The following SLC29A1 variants were observed in gnomAD, a reference collection of about 807,000 sequenced individuals.
SLC29A1 encodes solute carrier family 29 member 1 (Augustine blood group).
In SLC29A1, 22 loss-of-function variants were observed where a neutral mutation model predicts 48.3. That is an observed-to-expected ratio of 0.46 (90% CI 0.33 to 0.65). SLC29A1 has a LOEUF of 0.65. SLC29A1 is among the 30% of genes least tolerant of loss of function. The pLI is 0.03. For synonymous variants in SLC29A1, 228 were observed against 231.0 expected (o/e 0.99, Z 0.12); for missense variants, 491 against 575.3 (o/e 0.85, Z 1.50).
upstream of SLC29A1, chr6:44,219,803 G>T: frequency 8.1e-7 from 1 of 1,233,570 alleles, no homozygotes; most frequent in Non-Finnish European, 1.1e-6. Context: ...CGGGGCCGGG[G>T]GGCCTGGCGG....
At chr6:44,230,720 C>A in intron 7 of SLC29A1, 55 bp downstream of exon 7, 1 of 1,548,866 alleles carries the variant, frequency 6.5e-7, no homozygotes. Context: ...GGTTCCAGAC[C>A]ACGGGTGTTC....
upstream of SLC29A1, among the ~76,000 whole-genome samples, chr6:44,220,344 A>ATTTT (rs3997542): frequency 1.6e-5 from 2 of 126,512 alleles, no homozygotes; most frequent in Non-Finnish European, 1.6e-5. Flanking sequence ...TGCTCAGCTA[A>ATTTT]TTTTTTTTTT....
intron 1 of SLC29A1, among the ~76,000 whole-genome samples, chr6:44,224,354 A>G (rs949486277): frequency 6.7e-6 from 1 of 150,082 alleles, no homozygotes; most frequent in Non-Finnish European, 1.5e-5. Context: ...TAAGCTCCCC[A>G]TGCCAGGATG....
At chr6:44,227,000 G>A (rs760462582) in intron 1 of SLC29A1, 2 of 1,229,406 alleles carry the variant, frequency 1.6e-6, no homozygotes, top group Non-Finnish European at 2.1e-6. Flanking sequence ...TTCGGCTGCT[G>A]GATAAAAATA....
At position 44,231,387 on chromosome 6, in the gene SLC29A1, G is replaced by A. The variant is rs1489486697; in HGVS notation, c.790G>A (p.Glu264Lys). 2 of 1,602,202 alleles carry A rather than the reference G, an allele frequency of 1.2e-6. No individual in the cohort carries two copies. The highest frequency in any genetic ancestry group is 1.3e-5 in the African/African-American group (1 of 74,858). ...AGGAGAGGAGCCAAGAGCAGGCAAA[G>A]AGGAATCTGGAGTTTCAGTCTCCAA... is the stretch of plus-strand genomic sequence containing the variant. ...SKGEEPRAGK[E>K]ESGVSVSNSQ... Residue 264 changes from glutamate (E) to lysine (K), a missense_variant, in exon 9 of 13, where the codon GAG becomes AAG. By Grantham distance (56) the Glu-to-Lys change is moderately conservative. Transcript: ENST00000371755.
Position 44,229,807 on chromosome 6 carries a change from C to T in SLC29A1, c.314+16C>T. ...TGCATCAGAGGTGAGTGCCCACCCC[C>T]TCCCCAGCCCCCAGCCTGACCCTCA... On this transcript the variant is annotated intron_variant, in intron 4 of 12. Transcript: ENST00000371755. This position sits in a 1 kb window ranked among gnomAD's most constrained non-coding sequence, Gnocchi z 5.1. 3 of 1,611,728 alleles carry T rather than the reference C, an allele frequency of 1.9e-6. No homozygotes were observed. The highest frequency in any genetic ancestry group is 1.7e-6 in the Non-Finnish European group (2 of 1,178,620).
intron 9 of SLC29A1, 83 bp downstream of exon 9, chr6:44,231,544 C>A (rs1778881652): frequency 2.3e-6 from 2 of 880,372 alleles, no homozygotes; most frequent in East Asian, 5.3e-5. Flanking sequence ...CACCCATCTC[C>A]TCCCTTTCTG....
chr6:44,232,446 GC>G lies in SLC29A1; in HGVS notation c.1059+22del, dbSNP rs1257502838. Reference sequence around the variant, plus strand: ...TCATGTGGGTAAGTGGAGGAAGAGGGCCCCAGGCCCCTGTGGGAAGTAAGAG... The same window carrying G: ...TCATGTGGGTAAGTGGAGGAAGAGGGCCCAGGCCCCTGTGGGAAGTAAGAG... On this transcript the variant is annotated intron_variant, in intron 11 of 12. Coordinates refer to ENST00000371755, the MANE Select transcript of SLC29A1 (RefSeq NM_001372327.1). The surrounding 1 kb of genome is among the most constrained non-coding windows in gnomAD (Gnocchi z 4.7). 6 of 1,552,568 alleles carry G rather than the reference GC, an allele frequency of 3.9e-6. No individual in the cohort carries two copies. Among genetic ancestry groups the G allele is most frequent in the Non-Finnish European group, 5.3e-6 (6 of 1,125,762 alleles).
chr6:44,222,117 G>C (rs1776501267), upstream of SLC29A1, among the ~76,000 whole-genome samples: 2 of 152,170 alleles, frequency 1.3e-5, no homozygotes, highest in South Asian at 2.1e-4. Flanking sequence ...GAGGAAGAGA[G>C]AGAGACTGGA....
rs942708590 is a variant in SLC29A1 at position 44,229,988 on chromosome 6, G to A, written c.396G>A (p.Val132=). The A allele has an allele frequency of 9.9e-6, 16 of 1,612,366 alleles. No homozygotes were observed. Among genetic ancestry groups the A allele is most frequent in the Non-Finnish European group, 1.4e-5 (16 of 1,180,002 alleles). Residue 132 remains valine, a synonymous_variant, in exon 5 of 13, where the codon GTG becomes GTA. Transcript: ENST00000371755. The surrounding 1 kb of genome is among the most constrained non-coding windows in gnomAD (Gnocchi z 5.1). ...VFLITAILVK[V]QLDALPFFVI... ...TGATCACTGCCATCCTGGTGAAGGT[G>A]CAGCTGGATGCTCTGCCCTTCTTTG... is the stretch of plus-strand genomic sequence containing the variant.
chr6:44,223,486 T>A (rs954727208), upstream of SLC29A1: 309 of 633,698 alleles, frequency 4.9e-4, 3 homozygotes, highest in African/African-American at 0.02. This position sits in a 1 kb window ranked among gnomAD's most constrained non-coding sequence, Gnocchi z 5.0. Context: ...GTGGCAGGGG[T>A]GGGCCGGGGG....
In SLC29A1 at chr6:44,229,298, A is replaced by G; in HGVS notation, c.30-92A>G. The G allele has an allele frequency of 1.0e-6, 1 of 969,410 alleles. No homozygotes were observed. The allele number at this position is 969,410 out of a possible 1,614,324, so 60.1% of individuals were successfully genotyped here. ...ACGCCCTGTGCCCTGGGACCTAGAG[A>G]GACTGACAACGGACAGGGGCTTTCC... On this transcript the variant is annotated intron_variant, in intron 2 of 12. Coordinates refer to ENST00000371755, the MANE Select transcript of SLC29A1 (RefSeq NM_001372327.1). This position sits in a 1 kb window ranked among gnomAD's most constrained non-coding sequence, Gnocchi z 5.1.
chr6:44,227,998 G>T (rs984284535), intron 2 of SLC29A1, among the ~76,000 whole-genome samples: 6 of 152,156 alleles, frequency 3.9e-5, no homozygotes, highest in Non-Finnish European at 5.9e-5. Context: ...TGTGCCAAAG[G>T]CTATGAAACT....
At position 44,230,348 on chromosome 6, in the gene SLC29A1, A is replaced by C; in HGVS notation, c.456A>C (p.Ser152=). ...CTCATGCCCGCCCTGTTTCCCCAGC[A>C]TTTGGTGCCATCCTGCAGGGCAGCC... is the stretch of plus-strand genomic sequence containing the variant. The part of the protein sequence containing the change: ...ITMIKIVLIN[S]FGAILQGSLF... Residue 152 remains serine, a splice_region_variant and synonymous_variant, in exon 6 of 13, where the codon TCA becomes TCC. Transcript: ENST00000371755. 1 of 1,610,544 alleles carries C rather than the reference A, an allele frequency of 6.2e-7. No individual in the cohort carries two copies. Among genetic ancestry groups the C allele is most frequent in the Non-Finnish European group, 8.5e-7 (1 of 1,177,258 alleles).
chr6:44,232,088 G>A lies in SLC29A1; in HGVS notation c.955G>A (p.Ala319Thr), dbSNP rs778955662. The change falls in exon 10 of 13, where the codon GCA becomes ACA. Residue 319 changes from alanine (A) to threonine (T), a missense_variant. Ala to Thr is a moderately conservative substitution (Grantham distance 58). Transcript: ENST00000371755. The surrounding 1 kb of genome is among the most constrained non-coding windows in gnomAD (Gnocchi z 4.7). ...GACTGTTGAGGTCAAGTCCAGCATC[G>A]CAGGCAGCAGCACCTGGGGTGAGGA... ...AVTVEVKSSIAGSSTWERYFI... is the reference protein window; with the variant it reads ...AVTVEVKSSITGSSTWERYFI... 1.4e-5 allele frequency: 22 copies of A among 1,612,878 alleles called. No homozygotes were observed. The highest frequency in any genetic ancestry group is 8.9e-5 in the East Asian group (4 of 44,882).
chr6:44,229,743 T>G lies in SLC29A1; in HGVS notation c.266T>G (p.Met89Arg), dbSNP rs1229816857. Residue 89 changes from methionine (M) to arginine (R), a missense_variant, in exon 4 of 13, where the codon ATG becomes AGG. By Grantham distance (91) the Met-to-Arg change is moderately conservative (BLOSUM62 -1). Coordinates refer to ENST00000371755, the MANE Select transcript of SLC29A1 (RefSeq NM_001372327.1). The surrounding 1 kb of genome is among the most constrained non-coding windows in gnomAD (Gnocchi z 5.1). The part of the protein sequence containing the change: ...IFNNVMTLCA[M>R]LPLLLFTYLN... ...AACAATGTCATGACCCTATGTGCCA[T>G]GCTGCCCCTGCTGTTATTCACCTAC... The G allele has an allele frequency of 6.2e-7, 1 of 1,613,820 alleles. No individual in the cohort carries two copies. Among genetic ancestry groups the G allele is most frequent in the Non-Finnish European group, 8.5e-7 (1 of 1,180,028 alleles).
Position 44,229,540 on chromosome 6 carries a change from G to T in SLC29A1, c.112-49G>T, listed in dbSNP as rs752736398. ...GCTTGCAGGATCTGACTCTGTGCTG[G>T]TAGGCACAGGGAAAGAGATTTCAAC... On this transcript the variant is annotated intron_variant, in intron 3 of 12. Transcript: ENST00000371755. This position sits in a 1 kb window ranked among gnomAD's most constrained non-coding sequence, Gnocchi z 5.1. The T allele has an allele frequency of 2.5e-6, 4 of 1,603,704 alleles. No homozygotes were observed. In the East Asian group the frequency reaches 6.7e-5, roughly 27 times the overall value.
upstream of SLC29A1, among the ~76,000 whole-genome samples, chr6:44,220,934 C>T (rs528127701): frequency 3.9e-4 from 59 of 152,264 alleles, no homozygotes; most frequent in African/African-American, 1.3e-3. Flanking sequence ...GGCTGGAGTG[C>T]AATGGCAGGA....
chr6:44,221,098 A>G (rs888586368), upstream of SLC29A1, among the ~76,000 whole-genome samples: 36 of 152,046 alleles, frequency 2.4e-4, no homozygotes, highest in African/African-American at 6.8e-4. The surrounding 1 kb of genome is among the most constrained non-coding windows in gnomAD (Gnocchi z 4.2). Context: ...TGCCCAGGCT[A>G]GTCTTGAATT....
Sources: gnomAD v4.1 joint callset for allele counts (sites outside exome capture counted in the v4.1 genomes callset) on GRCh38, gnomAD v4.1.1 for gene constraint, Gnocchi (gnomAD v3.1) non-coding constraint, MANE v1.5 for transcripts, NCBI Gene and HGNC (gene_info 2026-07-23, HGNC 2026-07-21) for gene names.